CSMD1: variants seen among roughly 807,000 people sequenced by gnomAD.
CSMD1 encodes CUB and Sushi multiple domains 1.
A neutral mutation model predicts 417.5 loss-of-function variants in CSMD1; 213 were observed. That is an observed-to-expected ratio of 0.51 (90% CI 0.46 to 0.57). The LOEUF (loss-of-function observed/expected upper bound fraction) is 0.57. Ranked by LOEUF, CSMD1 falls within the 20% of genes least tolerant of loss-of-function variation. The pLI is 0.00. For missense variants in CSMD1, 6,923 were observed against 4,529.7 expected (o/e 1.53, Z -15.17); for synonymous variants, 2,862 against 1,736.8 (o/e 1.65, Z -16.11).
At chr8:4,201,206 C>A (rs984818090) in intron 3 of CSMD1, among the ~76,000 whole-genome samples, 4 of 152,148 alleles carry the variant, frequency 2.6e-5, no homozygotes, top group African/African-American at 9.7e-5. Context: ...TGATCCAATA[C>A]ATGGCACAAA....
At chr8:3,095,350 G>C (rs1032450682) in intron 47 of CSMD1, among the ~76,000 whole-genome samples, 2 of 151,992 alleles carry the variant, frequency 1.3e-5, no homozygotes, top group African/African-American at 4.8e-5. Flanking sequence ...TCCTCAACAA[G>C]AGAAACCCCA....
chr8:3,497,444 T>C (rs1796412958), intron 10 of CSMD1, among the ~76,000 whole-genome samples: 1 of 152,206 alleles, frequency 6.6e-6, no homozygotes, highest in Non-Finnish European at 1.5e-5. Flanking sequence ...TCTTGCTCTG[T>C]CACCCAGGCT....
At chr8:4,099,015 C>T (rs904584013) in intron 3 of CSMD1, among the ~76,000 whole-genome samples, 4 of 152,176 alleles carry the variant, frequency 2.6e-5, no homozygotes, top group Non-Finnish European at 4.4e-5. Context: ...AACAACTCTT[C>T]AGCTGAATTA....
At chr8:4,128,354 A>G (rs1802889282) in intron 3 of CSMD1, among the ~76,000 whole-genome samples, 1 of 152,186 alleles carries the variant, frequency 6.6e-6, no homozygotes, top group Non-Finnish European at 1.5e-5. Context: ...TGAACCAAGT[A>G]AAAACTTATG....
chr8:4,455,372 G>A (rs982980078), intron 2 of CSMD1, among the ~76,000 whole-genome samples: 10 of 152,108 alleles, frequency 6.6e-5, no homozygotes, highest in Admixed American at 1.3e-4. Context: ...CTGGAAAACT[G>A]GTCATCAACT....
At chr8:4,343,584 A>G (rs1563075350) in intron 3 of CSMD1, among the ~76,000 whole-genome samples, 1 of 152,140 alleles carries the variant, frequency 6.6e-6, no homozygotes, top group Non-Finnish European at 1.5e-5. Context: ...GGAATAAAGT[A>G]TATTTTTATC....
intron 26 of CSMD1, among the ~76,000 whole-genome samples, chr8:3,266,492 G>C (rs1258535823): frequency 2.7e-5 from 4 of 150,834 alleles, no homozygotes; most frequent in Non-Finnish European, 5.9e-5. Context: ...TGTAATCCCA[G>C]CTACTTGGGA....
chr8:3,815,120 G>C (rs947165719), intron 5 of CSMD1, among the ~76,000 whole-genome samples: 7 of 152,234 alleles, frequency 4.6e-5, no homozygotes, highest in Admixed American at 2.6e-4. Context: ...AATTAGACAT[G>C]GGATATTTTG....
At chr8:3,262,935 GAA>G (rs978258416) in intron 26 of CSMD1, among the ~76,000 whole-genome samples, 5 of 152,140 alleles carry the variant, frequency 3.3e-5, no homozygotes, top group Non-Finnish European at 5.9e-5. Context: ...GGAATCCTAT[GAA>G]AAAGTTTGTT....
intron 11 of CSMD1, among the ~76,000 whole-genome samples, chr8:3,487,199 T>TTTTGTA (rs1554439804): frequency 6.6e-6 from 1 of 150,696 alleles, no homozygotes; most frequent in Non-Finnish European, 1.5e-5. Context: ...ATCAGCATAC[T>TTTTGTA]TTTTTATTTA....
At chr8:4,877,661 C>T (rs745414704) in intron 1 of CSMD1, among the ~76,000 whole-genome samples, 11 of 152,056 alleles carry the variant, frequency 7.2e-5, no homozygotes, top group East Asian at 1.9e-4. Flanking sequence ...AGCCAATAAA[C>T]ACAAATTGAA....
At chr8:4,644,937 G>C (rs980858491) in intron 1 of CSMD1, among the ~76,000 whole-genome samples, 2 of 152,090 alleles carry the variant, frequency 1.3e-5, no homozygotes, top group Non-Finnish European at 2.9e-5. Context: ...GAGGTGGTCG[G>C]ACAAATTAAA....
chr8:4,477,383 G>A lies in CSMD1; in HGVS notation c.303-57318C>T, dbSNP rs17070377. On this transcript the variant is annotated intron_variant, in intron 2 of 69. Transcript: ENST00000635120. ...GGGCTCTCCACAAGCCATCGGCAAC[G>A]CCTCGATCAGTCTCGGGGACTTGGT... Among the ~76,000 whole-genome samples, 976 of 152,282 alleles carry A rather than the reference G, an allele frequency of 6.4e-3. 9 individuals are homozygous for A. Among genetic ancestry groups the A allele is most frequent in the African/African-American group, 0.023 (943 of 41,554 alleles).
intron 10 of CSMD1, among the ~76,000 whole-genome samples, chr8:3,571,497 T>C (rs1206398765): frequency 6.6e-6 from 1 of 152,204 alleles, no homozygotes. Context: ...AAGACTCCTC[T>C]GCGACAGAAG....
chr8:3,762,517 T>A (rs10110805), intron 5 of CSMD1, among the ~76,000 whole-genome samples: 37,546 of 152,182 alleles, frequency 0.25, 4,778 homozygotes, highest in East Asian at 0.4. Context: ...AGGATGTTTA[T>A]ATCCTCTGTG....
intron 4 of CSMD1, among the ~76,000 whole-genome samples, chr8:4,027,669 T>C (rs112136941): frequency 1.3e-5 from 2 of 152,302 alleles, no homozygotes; most frequent in Non-Finnish European, 2.9e-5. Context: ...CATAGTAGCA[T>C]GATAACGGAC....
At chr8:3,304,731 T>C (rs888099905) in intron 25 of CSMD1, among the ~76,000 whole-genome samples, 24 of 2,212 alleles carry the variant, frequency 0.011, no homozygotes, top group African/African-American at 0.034. Flanking sequence ...TATTTTTCTC[T>C]TTTTAATTTT....
intron 3 of CSMD1, among the ~76,000 whole-genome samples, chr8:4,328,282 T>C (rs1799672649): frequency 6.6e-6 from 1 of 150,456 alleles, no homozygotes; most frequent in South Asian, 2.1e-4. Flanking sequence ...AATTCTCTTC[T>C]TAACTGTGAA....
chr8:3,348,995 C>G (rs1006709650), intron 21 of CSMD1, among the ~76,000 whole-genome samples: 1 of 152,174 alleles, frequency 6.6e-6, no homozygotes, highest in African/African-American at 2.4e-5. Context: ...CGGGTGCACA[C>G]ACACACAGAG....
Sources: allele counts gnomAD v4.1 joint callset (sites outside exome capture counted in the v4.1 genomes callset), GRCh38; gene constraint gnomAD v4.1.1; transcripts MANE v1.5; gene names NCBI Gene and HGNC (gene_info 2026-07-23, HGNC 2026-07-21).